Variants in SLC8A1 observed in about 807,000 individuals in gnomAD.
SLC8A1 encodes solute carrier family 8 member A1, also known as sodium/calcium exchanger 1.
Under a neutral mutation model 68.3 loss-of-function variants are expected in SLC8A1, and 18 were observed. The observed-to-expected ratio is 0.26, with a 90% CI of 0.18 to 0.39. The LOEUF (loss-of-function observed/expected upper bound fraction) is 0.39, where lower values mean the gene tolerates loss of function less well. Ranked by LOEUF, SLC8A1 falls within the 10% of genes least tolerant of loss-of-function variation. The pLI is 1.00. For synonymous variants in SLC8A1, 475 were observed against 415.5 expected (o/e 1.14, Z -1.74); for missense variants, 985 against 1,156.7 (o/e 0.85, Z 2.15).
At chr2:40,493,493 TAATAAAATAAAATAA>T (rs200158060) in intron 1 of SLC8A1, among the ~76,000 whole-genome samples, 2 of 149,926 alleles carry the variant, frequency 1.3e-5, no homozygotes, top group African/African-American at 4.9e-5. Flanking sequence ...ACTTAAAGTA[TAATAAAATAAAATAA>T]AATAAAATAA....
At chr2:40,334,158 GA>G (rs2149385146) in intron 2 of SLC8A1, among the ~76,000 whole-genome samples, 1 of 152,258 alleles carries the variant, frequency 6.6e-6, no homozygotes, top group East Asian at 1.9e-4. Context: ...TAGCTAAAAG[GA>G]GCCTTAGAGA....
intron 2 of SLC8A1, among the ~76,000 whole-genome samples, chr2:40,278,467 C>CAAACA (rs149146644): frequency 0.021 from 3,208 of 150,744 alleles, 59 homozygotes; most frequent in East Asian, 0.061. Context: ...GACTCTGTCT[C>CAAACA]AAACAAAACA....
chr2:40,244,345 A>C lies in SLC8A1; in HGVS notation c.1809-66490T>G, dbSNP rs376863338. Reference sequence around the variant, plus strand: ...CCTTCTGAGCGTTTCCACATCTATTATCTCTTTAAATTTCCCAACAACACT... The same window carrying C: ...CCTTCTGAGCGTTTCCACATCTATTCTCTCTTTAAATTTCCCAACAACACT... On this transcript the variant is annotated intron_variant, in intron 2 of 7. Coordinates refer to ENST00000406785, the Ensembl canonical transcript of SLC8A1. Among the ~76,000 whole-genome samples the C allele has an allele frequency of 1.1e-4, 16 of 152,150 alleles. No homozygotes were observed. In the East Asian group the frequency reaches 3.1e-3, roughly 30 times the overall value.
Position 40,319,154 on chromosome 2 carries a change from G to A in SLC8A1, c.1808+109319C>T, listed in dbSNP as rs1395767079. 3.9e-5 allele frequency among the ~76,000 whole-genome samples: 6 copies of A among 152,064 alleles called. No homozygotes were observed. The East Asian group carries it at 1.2e-3, about 29-fold the overall frequency. On this transcript the variant is annotated intron_variant, in intron 2 of 7. Coordinates refer to ENST00000406785, the Ensembl canonical transcript of SLC8A1. ...GTGGGAATGGCTTTATTTCACCTCTGAGAGAAATCCAAGCGATGGATTGTT... is the reference window on the plus strand; with the variant it reads ...GTGGGAATGGCTTTATTTCACCTCTAAGAGAAATCCAAGCGATGGATTGTT...
chr2:40,295,522 AAAG>A (rs1466288469), intron 2 of SLC8A1, among the ~76,000 whole-genome samples: 3 of 152,184 alleles, frequency 2.0e-5, no homozygotes, highest in African/African-American at 7.2e-5. Flanking sequence ...AAACATTAGT[AAAG>A]AAGTGGGAAA....
intron 2 of SLC8A1, among the ~76,000 whole-genome samples, chr2:40,339,210 T>A (rs932349631): frequency 6.6e-6 from 1 of 152,208 alleles, no homozygotes; most frequent in Non-Finnish European, 1.5e-5. Context: ...TCCTAAGATG[T>A]CATTATCTGT....
At chr2:40,207,798 C>G (rs1190479437) in intron 2 of SLC8A1, among the ~76,000 whole-genome samples, 1 of 152,104 alleles carries the variant, frequency 6.6e-6, no homozygotes, top group African/African-American at 2.4e-5. Context: ...AACAACTACC[C>G]TTTCCCTTTT....
chr2:40,421,180 G>A (rs189550747), intron 2 of SLC8A1, among the ~76,000 whole-genome samples: 3 of 151,408 alleles, frequency 2.0e-5, no homozygotes, highest in African/African-American at 7.3e-5. Flanking sequence ...AACATATCTA[G>A]AACCACCACC....
intron 2 of SLC8A1, among the ~76,000 whole-genome samples, chr2:40,200,224 T>TATATAAATATACA (rs1558722544): frequency 2.2e-4 from 1 of 4,570 alleles, no homozygotes; most frequent in African/African-American, 5.2e-4. Context: ...ATATATTTTT[T>TATATAAATATACA]TATATATATA....
At chr2:40,407,375 C>G (rs1339676372) in intron 2 of SLC8A1, among the ~76,000 whole-genome samples, 1 of 152,186 alleles carries the variant, frequency 6.6e-6, no homozygotes, top group African/African-American at 2.4e-5. Context: ...CCACCAGATT[C>G]CTCATGGACT....
intron 2 of SLC8A1, among the ~76,000 whole-genome samples, chr2:40,327,885 A>G (rs917317577): frequency 3.9e-5 from 6 of 152,146 alleles, no homozygotes; most frequent in African/African-American, 1.4e-4. Context: ...CTGCACATGT[A>G]CCCCATGAAT....
At chr2:40,127,603 C>T (rs1308359953) in intron 7 of SLC8A1, among the ~76,000 whole-genome samples, 1 of 152,112 alleles carries the variant, frequency 6.6e-6, no homozygotes, top group East Asian at 1.9e-4. Context: ...TCTGGTGGGC[C>T]TATCTGTGGA....
chr2:40,323,475 C>G (rs774330233), intron 2 of SLC8A1, among the ~76,000 whole-genome samples: 6 of 152,054 alleles, frequency 3.9e-5, no homozygotes, highest in Non-Finnish European at 7.4e-5. Context: ...CAACATAAAA[C>G]AAATCTGGAT....
chr2:40,389,804 GAAAT>G (rs1336248427), intron 2 of SLC8A1, among the ~76,000 whole-genome samples: 1 of 149,390 alleles, frequency 6.7e-6, no homozygotes, highest in African/African-American at 2.5e-5. Flanking sequence ...AAAATTTGGG[GAAAT>G]ATATATATGA....
chr2:40,325,220 G>T (rs139674954), intron 2 of SLC8A1, among the ~76,000 whole-genome samples: 85 of 152,250 alleles, frequency 5.6e-4, no homozygotes, highest in African/African-American at 1.8e-3. Context: ...TCAGATTGAT[G>T]CTCAATGATG....
chr2:40,350,632 G>GTA (rs889977974), intron 2 of SLC8A1, among the ~76,000 whole-genome samples: 7 of 121,894 alleles, frequency 5.7e-5, no homozygotes, highest in African/African-American at 2.1e-4. Flanking sequence ...GCATTTCCAT[G>GTA]TATGGCTGAA....
At chr2:40,504,259 A>T (rs1706230806) in intron 1 of SLC8A1, among the ~76,000 whole-genome samples, 1 of 152,080 alleles carries the variant, frequency 6.6e-6, no homozygotes, top group Non-Finnish European at 1.5e-5. Context: ...ATCCATATGT[A>T]GAAGAATGAA....
chr2:40,300,473 AT>A (rs1249258373), intron 2 of SLC8A1, among the ~76,000 whole-genome samples: 1 of 152,282 alleles, frequency 6.6e-6, no homozygotes, highest in East Asian at 1.9e-4. Flanking sequence ...TACATTTCTT[AT>A]TTGTTTCGTA....
At chr2:40,192,818 G>A (rs937683218) in intron 2 of SLC8A1, among the ~76,000 whole-genome samples, 1 of 152,054 alleles carries the variant, frequency 6.6e-6, no homozygotes, top group Non-Finnish European at 1.5e-5. Flanking sequence ...CTTTCACAAA[G>A]TTAGACTTCC....
Sources: allele counts gnomAD v4.1 joint callset (sites outside exome capture counted in the v4.1 genomes callset), GRCh38; gene constraint gnomAD v4.1.1; transcripts MANE v1.5; gene names NCBI Gene and HGNC (gene_info 2026-07-23, HGNC 2026-07-21).